Variants in EML4 observed in about 807,000 individuals in gnomAD.
EML4 encodes echinoderm microtubule-associated protein-like 4.
A neutral mutation model predicts 129.0 loss-of-function variants in EML4; 72 were observed. The observed-to-expected ratio is 0.56, with a 90% CI of 0.46 to 0.68. The LOEUF (loss-of-function observed/expected upper bound fraction) is 0.68. Ranked by LOEUF, EML4 falls within the 30% of genes least tolerant of loss-of-function variation. The probability of loss-of-function intolerance (pLI) is 0.00; values close to 1 mark genes in which losing one functional copy is unlikely to be tolerated. For synonymous variants in EML4, 532 were observed against 405.0 expected (o/e 1.31, Z -3.77); for missense variants, 1,363 against 1,190.6 (o/e 1.14, Z -2.13).
At position 42,273,673 on chromosome 2, in the gene EML4, TAGTC is replaced by T. The variant is rs760890645; in HGVS notation, c.668-7174_668-7171del. Among the ~76,000 whole-genome samples the T allele has an allele frequency of 5.8e-4, 83 of 141,976 alleles. 1 individual carries two copies. The highest frequency in any genetic ancestry group is 8.7e-4 in the South Asian group (4 of 4,618). 93.1% of individuals were successfully genotyped at this position (141,976 alleles called of 152,430 possible). ...AAAAATTAAAGTAGCATTTTGTACTTAGTCAGATTTTTTCAGACCCAAGTTTTAT... is the reference window on the plus strand; with the variant it reads ...AAAAATTAAAGTAGCATTTTGTACTTAGATTTTTTCAGACCCAAGTTTTAT... On this transcript the variant is annotated intron_variant, in intron 6 of 22. Transcript: ENST00000318522.
intron 1 of EML4, among the ~76,000 whole-genome samples, chr2:42,228,661 C>T (rs1674130626): frequency 6.6e-6 from 1 of 152,130 alleles, no homozygotes; most frequent in Non-Finnish European, 1.5e-5. Context: ...GCTCCAGAGA[C>T]CAGGCTTTCA....
chr2:42,245,063 T>A (rs983288083), intron 1 of EML4, among the ~76,000 whole-genome samples: 3 of 148,110 alleles, frequency 2.0e-5, no homozygotes, highest in Non-Finnish European at 4.4e-5. Context: ...TGATGAGATG[T>A]TATGGAGTTT....
Position 42,185,682 on chromosome 2 carries a change from A to G in EML4, c.25+16046A>G, listed in dbSNP as rs539580010. Among the ~76,000 whole-genome samples the G allele has an allele frequency of 7.9e-5, 12 of 152,330 alleles. No homozygotes were observed. In the East Asian group the frequency reaches 2.1e-3, roughly 27 times the overall value. ...CATATTACTGATTATCTTCAGCGTC[A>G]TGCTGAAGAGTTTGGCTTTGGGCCT... On this transcript the variant is annotated intron_variant, in intron 1 of 22. Coordinates refer to ENST00000318522, the MANE Select transcript of EML4 (RefSeq NM_019063.5).
rs1262932684 is a variant in EML4 at position 42,330,622 on chromosome 2, T to C, written c.*415T>C. On this transcript the variant is annotated 3_prime_UTR_variant, in exon 23 of 23. Coordinates refer to ENST00000318522, the MANE Select transcript of EML4 (RefSeq NM_019063.5). ...TCTACTGGCTCAGACTGTACTACTT[T>C]TTTTTTTTTTTTTCCTGAAAAAGAA... 2 of 219,490 alleles carry C rather than the reference T, an allele frequency of 9.1e-6. No individual in the cohort carries two copies. Among genetic ancestry groups the C allele is most frequent in the African/African-American group, 4.6e-5 (2 of 43,924 alleles). 13.6% of individuals were successfully genotyped at this position (219,490 alleles called of 1,614,324 possible).
At chr2:42,223,318 C>T (rs1002823741) in intron 1 of EML4, among the ~76,000 whole-genome samples, 1 of 152,030 alleles carries the variant, frequency 6.6e-6, no homozygotes, top group African/African-American at 2.4e-5. Flanking sequence ...ACAAATGCAC[C>T]ACTACAAATG....
chr2:42,209,436 C>T (rs1396808748), intron 1 of EML4, among the ~76,000 whole-genome samples: 1 of 152,110 alleles, frequency 6.6e-6, no homozygotes, highest in East Asian at 1.9e-4. Context: ...TAGGCATATT[C>T]TTCTTTCCAT....
intron 7 of EML4, 24 bp from the exon 8 acceptor site, chr2:42,282,799 A>C: frequency 6.2e-7 from 1 of 1,602,898 alleles, no homozygotes; most frequent in South Asian, 1.1e-5. Flanking sequence ...GTTTATTTAA[A>C]ACCTTGACTC....
intron 5 of EML4, 46 bp from the exon 6 acceptor site, chr2:42,264,660 C>T: frequency 9.4e-7 from 1 of 1,063,868 alleles, no homozygotes; most frequent in Non-Finnish European, 1.4e-6. Context: ...AATGGTTAGC[C>T]ATATAAACTT....
chr2:42,329,041 A>G, intron 22 of EML4, 25 bp downstream of exon 22: 1 of 1,603,164 alleles, frequency 6.2e-7, no homozygotes, highest in Non-Finnish European at 8.5e-7. Flanking sequence ...ATAGAAACTA[A>G]TGTTATAAGG....
At chr2:42,215,778 C>G (rs1395819762) in intron 1 of EML4, among the ~76,000 whole-genome samples, 1 of 152,188 alleles carries the variant, frequency 6.6e-6, no homozygotes, top group Non-Finnish European at 1.5e-5. Context: ...GCTATACCTT[C>G]TCCCTTTGAG....
Position 42,330,316 on chromosome 2 carries a change from G to C in EML4, c.*109G>C. Reference sequence around the variant, plus strand: ...AGAATCACTGTTGATTGAGATTTTGGTTTCCATGTGATTTGTTTTCTTCAA... The same window carrying C: ...AGAATCACTGTTGATTGAGATTTTGCTTTCCATGTGATTTGTTTTCTTCAA... On this transcript the variant is annotated 3_prime_UTR_variant, in exon 23 of 23. Coordinates refer to ENST00000318522, the MANE Select transcript of EML4 (RefSeq NM_019063.5). 1.0e-6 allele frequency: 1 copy of C among 999,786 alleles called. No homozygotes were observed. The highest frequency in any genetic ancestry group is 1.5e-6 in the Non-Finnish European group (1 of 649,118). 61.9% of individuals were successfully genotyped at this position (999,786 alleles called of 1,614,324 possible).
At chr2:42,327,190 T>G (rs967671813) in intron 21 of EML4, among the ~76,000 whole-genome samples, 2 of 152,240 alleles carry the variant, frequency 1.3e-5, no homozygotes, top group Admixed American at 6.5e-5. Flanking sequence ...ACTCTTTTTA[T>G]GGCTGAGTAA....
At chr2:42,177,947 C>G (rs1199886842) in intron 1 of EML4, among the ~76,000 whole-genome samples, 1 of 152,078 alleles carries the variant, frequency 6.6e-6, no homozygotes, top group South Asian at 2.1e-4. Flanking sequence ...TTCTGTTGGT[C>G]ACAATCAGAT....
intron 19 of EML4, among the ~76,000 whole-genome samples, chr2:42,320,797 G>A (rs1669477599): frequency 6.6e-6 from 1 of 151,998 alleles, no homozygotes; most frequent in Non-Finnish European, 1.5e-5. Flanking sequence ...AAATTCCTGT[G>A]TACCTTTTAA....
At chr2:42,194,830 C>G (rs1315026275) in intron 1 of EML4, among the ~76,000 whole-genome samples, 2 of 152,008 alleles carry the variant, frequency 1.3e-5, no homozygotes. Flanking sequence ...TCTTGATGGT[C>G]TGATTTATCA....
chr2:42,179,894 C>T (rs1388104300), intron 1 of EML4, among the ~76,000 whole-genome samples: 1 of 152,204 alleles, frequency 6.6e-6, no homozygotes, highest in African/African-American at 2.4e-5. Context: ...AGCCACCACA[C>T]CCGGCCATAT....
At chr2:42,245,934 G>T (rs1489511602) in intron 2 of EML4, among the ~76,000 whole-genome samples, 2 of 151,954 alleles carry the variant, frequency 1.3e-5, no homozygotes, top group African/African-American at 2.4e-5. Flanking sequence ...TGTGAAGTTA[G>T]TATCTTCCAA....
intron 17 of EML4, among the ~76,000 whole-genome samples, chr2:42,313,498 A>AGCC (rs1048694884): frequency 5.3e-5 from 8 of 152,146 alleles, no homozygotes; most frequent in Non-Finnish European, 4.4e-5. Context: ...GAATGCACTA[A>AGCC]GCCACGTTAA....
chr2:42,281,824 CAG>C (rs1667027968), intron 7 of EML4, among the ~76,000 whole-genome samples: 1 of 152,156 alleles, frequency 6.6e-6, no homozygotes, highest in Admixed American at 6.5e-5. Context: ...CCAAGAAACT[CAG>C]TGAAACAGAA....
Sources: gnomAD v4.1 joint callset for allele counts (sites outside exome capture counted in the v4.1 genomes callset) on GRCh38, gnomAD v4.1.1 for gene constraint, MANE v1.5 for transcripts, NCBI Gene and HGNC (gene_info 2026-07-23, HGNC 2026-07-21) for gene names.